CSGALNACT1: variants seen among roughly 807,000 people sequenced by gnomAD.
The protein encoded by CSGALNACT1 is beta4GalNAcT-1.
CSGALNACT1 carries 52 observed loss-of-function variants against 51.0 expected under a neutral mutation model. That is an observed-to-expected ratio of 1.02 (90% CI 0.82 to 1.29). CSGALNACT1 has a LOEUF of 1.29. CSGALNACT1 is among the 50% of genes most tolerant of loss of function. The pLI, the probability that CSGALNACT1 is intolerant of heterozygous loss-of-function variation, is 0.00. For missense variants in CSGALNACT1, 935 were observed against 679.2 expected (o/e 1.38, Z -4.19); for synonymous variants, 341 against 254.4 (o/e 1.34, Z -3.24).
rs146474635 is a variant in CSGALNACT1, at chr8:19,487,143, C to T, written c.634+18058G>A. Among the ~76,000 whole-genome samples the T allele has an allele frequency of 3.7e-4, 56 of 152,304 alleles. No individual in the cohort carries two copies. In the East Asian group the frequency reaches 0.01, roughly 28 times the overall value. On this transcript the variant is annotated intron_variant, in intron 4 of 9. Transcript: ENST00000454498. ...TTCTCAAGCTGACAACTCTAAAGAG[C>T]TTAAATTTTATCCCCAAAAGCTTTT...
chr8:19,616,214 C>T (rs1437442129), intron 1 of CSGALNACT1, among the ~76,000 whole-genome samples: 2 of 152,072 alleles, frequency 1.3e-5, no homozygotes, highest in Non-Finnish European at 2.9e-5. Context: ...AAAAGAAATA[C>T]TCTGGTTAAA....
intron 3 of CSGALNACT1, among the ~76,000 whole-genome samples, chr8:19,556,271 G>A (rs1313402870): frequency 6.6e-6 from 1 of 152,026 alleles, no homozygotes. Context: ...AGCTACTCGG[G>A]AGGCTGAGGC....
chr8:19,480,190 T>C lies in CSGALNACT1; in HGVS notation c.635-21548A>G, dbSNP rs948857045. ...GGTAAACTTCTGCCCCAGGAATTTA[T>C]TGTACAGATTATTTCATCACCCCAG... On this transcript the variant is annotated intron_variant, in intron 4 of 9. Transcript: ENST00000454498. Among the ~76,000 whole-genome samples the C allele has an allele frequency of 3.3e-5, 5 of 152,344 alleles. No homozygotes were observed. In the East Asian group the frequency reaches 9.6e-4, roughly 29 times the overall value.
At chr8:19,453,139 T>C (rs1216801342) in intron 5 of CSGALNACT1, among the ~76,000 whole-genome samples, 3 of 152,044 alleles carry the variant, frequency 2.0e-5, no homozygotes, top group Non-Finnish European at 4.4e-5. Context: ...AAATAGCATC[T>C]AAAGCAAGAG....
intron 4 of CSGALNACT1, among the ~76,000 whole-genome samples, chr8:19,471,293 G>C (rs1303162819): frequency 1.3e-5 from 2 of 152,132 alleles, no homozygotes; most frequent in African/African-American, 2.4e-5. Flanking sequence ...CCTACCCTAA[G>C]GGGTGAATCA....
At chr8:19,503,986 T>C (rs1044613027) in intron 4 of CSGALNACT1, among the ~76,000 whole-genome samples, 1 of 152,000 alleles carries the variant, frequency 6.6e-6, no homozygotes, top group African/African-American at 2.4e-5. Context: ...TGGAAGAGAG[T>C]CAGTTTTGCC....
At chr8:19,405,361 C>G (rs1230705075) in exon 10 of CSGALNACT1, 9 of 455,890 alleles carry the variant, frequency 2.0e-5, no homozygotes, top group African/African-American at 4.0e-5. Context: ...TTCCTAGAAA[C>G]TAGAGCCCTG....
At chr8:19,552,179 A>G (rs2088292376) in intron 3 of CSGALNACT1, among the ~76,000 whole-genome samples, 1 of 152,182 alleles carries the variant, frequency 6.6e-6, no homozygotes, top group Admixed American at 6.5e-5. Context: ...CTAATGAGGG[A>G]TTTAATAATG....
At chr8:19,450,917 CAAAAAAAAAT>C (rs2063074530) in intron 5 of CSGALNACT1, among the ~76,000 whole-genome samples, 1 of 146,372 alleles carries the variant, frequency 6.8e-6, no homozygotes, top group Non-Finnish European at 1.5e-5. Flanking sequence ...ACCCTGTCTT[CAAAAAAAAAT>C]AAAAAATAAT....
chr8:19,456,903 T>G (rs797005546), intron 5 of CSGALNACT1, among the ~76,000 whole-genome samples: 7 of 152,310 alleles, frequency 4.6e-5, no homozygotes, highest in African/African-American at 1.7e-4. Context: ...CTTCAAATAT[T>G]TGAAAACTTA....
intron 1 of CSGALNACT1, among the ~76,000 whole-genome samples, chr8:19,752,098 ACATT>A (rs373034826): frequency 0.22 from 32,504 of 146,992 alleles, 3,754 homozygotes; most frequent in African/African-American, 0.27. Context: ...TAAATGATAT[ACATT>A]ATTATATTAT....
intron 5 of CSGALNACT1, 84 bp downstream of exon 4, chr8:19,458,342 G>C: frequency 8.9e-7 from 1 of 1,117,756 alleles, no homozygotes. Flanking sequence ...CTCGGCAGGG[G>C]AAATGAAGGA....
chr8:19,522,857 A>C (rs1029196832), intron 3 of CSGALNACT1, among the ~76,000 whole-genome samples: 1 of 152,234 alleles, frequency 6.6e-6, no homozygotes, highest in African/African-American at 2.4e-5. Context: ...AAAAAATTTA[A>C]ACAATAAAAG....
chr8:19,568,876 T>C (rs910325288), intron 3 of CSGALNACT1, among the ~76,000 whole-genome samples: 1 of 152,214 alleles, frequency 6.6e-6, no homozygotes, highest in East Asian at 1.9e-4. Context: ...AGACTTCCTT[T>C]CAAAATTCTC....
chr8:19,512,036 C>A (rs1034792564), intron 3 of CSGALNACT1, among the ~76,000 whole-genome samples: 8 of 152,210 alleles, frequency 5.3e-5, no homozygotes, highest in African/African-American at 1.9e-4. Flanking sequence ...GATTACAATT[C>A]AAAATGAGAT....
intron 1 of CSGALNACT1, among the ~76,000 whole-genome samples, chr8:19,679,371 G>T (rs956447081): frequency 6.6e-6 from 1 of 152,028 alleles, no homozygotes; most frequent in African/African-American, 2.4e-5. Context: ...GAGAGAACTG[G>T]CTTGAGCTCA....
intron 1 of CSGALNACT1, among the ~76,000 whole-genome samples, chr8:19,670,648 G>GAGAAAAAA (rs1490871140): frequency 4.0e-5 from 1 of 25,194 alleles, no homozygotes; most frequent in African/African-American, 9.3e-5. Context: ...CACTACTGAA[G>GAGAAAAAA]ACAAAAAAAA....
rs752495099 is a variant in CSGALNACT1 at position 19,505,908 on chromosome 8, G to T, written c.-74C>A. 5.7e-6 allele frequency: 9 copies of T among 1,581,772 alleles called. No individual in the cohort carries two copies. In the Admixed American group the frequency reaches 1.5e-4, roughly 26 times the overall value. ...GGCCCCCACGGAAGGGCTTCCCTGGGCTAGACCACAGGAAGCATGCGTTTG... is the reference window on the plus strand; with the variant it reads ...GGCCCCCACGGAAGGGCTTCCCTGGTCTAGACCACAGGAAGCATGCGTTTG... On this transcript the variant is annotated 5_prime_UTR_variant, in exon 4 of 10. Transcript: ENST00000454498.
At chr8:19,540,464 GAC>G (rs1407964646) in intron 3 of CSGALNACT1, among the ~76,000 whole-genome samples, 6 of 152,172 alleles carry the variant, frequency 3.9e-5, no homozygotes, top group African/African-American at 1.2e-4. Context: ...CACAGTTTCT[GAC>G]ACACAGTATC....
Sources: gnomAD v4.1 joint callset for allele counts (sites outside exome capture counted in the v4.1 genomes callset) on GRCh38, gnomAD v4.1.1 for gene constraint, MANE v1.5 for transcripts, NCBI Gene and HGNC (gene_info 2026-07-23, HGNC 2026-07-21) for gene names.